The following CRK variants were observed in gnomAD, a reference collection of about 807,000 sequenced individuals.
The protein encoded by CRK is CRK proto-oncogene, adaptor protein.
Under a neutral mutation model 29.8 loss-of-function variants are expected in CRK, and 4 were observed. That is an observed-to-expected ratio of 0.13 (90% CI 0.07 to 0.31). The LOEUF is 0.31. CRK is among the 10% of genes least tolerant of loss of function. CRK has a pLI of 1.00. For synonymous variants in CRK, 153 were observed against 164.9 expected (o/e 0.93, Z 0.55); for missense variants, 274 against 396.5 (o/e 0.69, Z 2.62).
At position 1,448,688 on chromosome 17, in the gene CRK, A is replaced by C. The variant is rs1272539513; in HGVS notation, c.241+7189T>G. 2.0e-5 allele frequency among the ~76,000 whole-genome samples: 3 copies of C among 150,644 alleles called. No individual in the cohort carries two copies. In the Admixed American group the frequency reaches 2.0e-4, roughly 10 times the overall value. On this transcript the variant is annotated intron_variant, in intron 1 of 2. Coordinates refer to ENST00000300574, the MANE Select transcript of CRK (RefSeq NM_016823.4). ...ATAGGTGCTCAATAAAAAGCAACCA[A>C]TTCTCCAAATTCCTTCAGCAATTTT...
chr17:1,429,948 C>T (rs1236836872), intron 2 of CRK, among the ~76,000 whole-genome samples: 1 of 151,318 alleles, frequency 6.6e-6, no homozygotes, highest in African/African-American at 2.4e-5. Context: ...AGAAAAACAA[C>T]CAAAAACACG....
At position 1,455,909 on chromosome 17, in the gene CRK, G is replaced by T; in HGVS notation, c.209C>A (p.Pro70Gln). The T allele has an allele frequency of 1.9e-6, 3 of 1,571,074 alleles. No homozygotes were observed. Among genetic ancestry groups the T allele is most frequent in the Non-Finnish European group, 2.6e-6 (3 of 1,160,424 alleles). Residue 70 changes from proline to glutamine, a missense_variant, in exon 1 of 3, where the codon CCG (proline) becomes CAG (glutamine). By Grantham distance (76) the Pro-to-Gln change is moderately conservative. Coordinates refer to ENST00000300574, the MANE Select transcript of CRK (RefSeq NM_016823.4). ...AGGCTGGGCGGGCGACGGTGGCACC[G>T]GCGGGCGCGGGCCGCTGCTGTTGAT... ...YIINSSGPRP[P>Q]VPPSPAQPPP...
intron 1 of CRK, among the ~76,000 whole-genome samples, chr17:1,440,989 C>T (rs1014987294): frequency 2.6e-5 from 4 of 152,198 alleles, no homozygotes; most frequent in African/African-American, 9.7e-5. Context: ...GTCACCCAGG[C>T]GGGAGTGCAG....
chr17:1,451,464 T>G (rs1366563034), intron 1 of CRK, among the ~76,000 whole-genome samples: 1 of 151,248 alleles, frequency 6.6e-6, no homozygotes. Context: ...ACTCTTGACC[T>G]CAAGTGATCC....
At chr17:1,452,964 C>T (rs1406807496) in intron 1 of CRK, among the ~76,000 whole-genome samples, 2 of 152,040 alleles carry the variant, frequency 1.3e-5, no homozygotes, top group East Asian at 3.9e-4. Context: ...CAACAGTTAA[C>T]CAGGCATGGT....
intron 1 of CRK, among the ~76,000 whole-genome samples, chr17:1,437,957 C>T (rs1212696780): frequency 6.6e-6 from 1 of 151,828 alleles, no homozygotes; most frequent in African/African-American, 2.4e-5. Context: ...TGAGCTACTG[C>T]GCCTGGCCTG....
chr17:1,445,899 T>C (rs916390786), intron 1 of CRK, among the ~76,000 whole-genome samples: 1 of 152,170 alleles, frequency 6.6e-6, no homozygotes, highest in African/African-American at 2.4e-5. Flanking sequence ...GGGACAGTGG[T>C]TGGCAGGTCA....
intron 2 of CRK, among the ~76,000 whole-genome samples, chr17:1,425,763 C>T (rs142688180): frequency 1.4e-3 from 218 of 152,320 alleles, no homozygotes; most frequent in Middle Eastern, 0.01. Context: ...CCTATTGGCC[C>T]CTCTGTTGTT....
At chr17:1,431,651 A>C (rs2073846313) in intron 2 of CRK, among the ~76,000 whole-genome samples, 1 of 152,100 alleles carries the variant, frequency 6.6e-6, no homozygotes, top group Non-Finnish European at 1.5e-5. Flanking sequence ...GCAGTAGCGC[A>C]ATCATAGCTC....
At chr17:1,447,607 CTTTT>C (rs34998406) in intron 1 of CRK, among the ~76,000 whole-genome samples, 7 of 117,840 alleles carry the variant, frequency 5.9e-5, no homozygotes, top group African/African-American at 2.1e-4. Flanking sequence ...TTCTCTTTTC[CTTTT>C]TTTTTTTTTT....
rs185257234 is a variant in CRK at position 1,444,626 on chromosome 17, C to G, written c.242-7471G>C. ...GGGGGATCACCTGAGATCGGGAGTT[C>G]GAGAGCAGCCTGACCAACATGGAGA... is the stretch of plus-strand genomic sequence containing the variant. On this transcript the variant is annotated intron_variant, in intron 1 of 2. Transcript: ENST00000300574. 3.4e-3 allele frequency among the ~76,000 whole-genome samples: 477 copies of G among 141,158 alleles called. 5 individuals carry two copies. The highest frequency in any genetic ancestry group is 5.5e-3 in the Non-Finnish European group (361 of 65,524). The allele number at this position is 141,158 out of a possible 152,430, so 92.6% of individuals were successfully genotyped here. A position where few individuals can be genotyped will look rare whatever the true frequency, so the allele number is the denominator to read the frequency against.
intron 1 of CRK, among the ~76,000 whole-genome samples, chr17:1,455,644 C>G (rs2074050419): frequency 6.6e-6 from 1 of 151,786 alleles, no homozygotes; most frequent in African/African-American, 2.4e-5. Flanking sequence ...AGTTCCCCTT[C>G]CCCGCGGCTG....
intron 1 of CRK, among the ~76,000 whole-genome samples, chr17:1,448,512 G>A (rs577895769): frequency 6.6e-5 from 10 of 150,984 alleles, no homozygotes; most frequent in Admixed American, 6.0e-4. Flanking sequence ...AGTCCCAGCT[G>A]CTGGGGAGGC....
At chr17:1,431,597 G>C (rs879704492) in intron 2 of CRK, among the ~76,000 whole-genome samples, 1 of 151,754 alleles carries the variant, frequency 6.6e-6, no homozygotes, top group Non-Finnish European at 1.5e-5. Context: ...TGGTGTACTA[G>C]TTTTTTTTGA....
At chr17:1,432,158 G>A (rs2073849608) in intron 2 of CRK, among the ~76,000 whole-genome samples, 1 of 152,106 alleles carries the variant, frequency 6.6e-6, no homozygotes, top group African/African-American at 2.4e-5. Context: ...AGCTCTGTGG[G>A]ATGGGATTTG....
At chr17:1,440,962 C>CA (rs747693014) in intron 1 of CRK, among the ~76,000 whole-genome samples, 3 of 152,182 alleles carry the variant, frequency 2.0e-5, no homozygotes, top group African/African-American at 4.8e-5. Context: ...TGTCTTGTGA[C>CA]AGAGTGGTCT....
chr17:1,439,601 C>T (rs2073918537), intron 1 of CRK, among the ~76,000 whole-genome samples: 1 of 152,162 alleles, frequency 6.6e-6, no homozygotes, highest in Admixed American at 6.6e-5. Context: ...CTAACCCCAG[C>T]ACTTAGGGAA....
chr17:1,440,879 G>T (rs2073929948), intron 1 of CRK, among the ~76,000 whole-genome samples: 1 of 152,172 alleles, frequency 6.6e-6, no homozygotes, highest in African/African-American at 2.4e-5. Context: ...ATTCCAGCCT[G>T]GGCAAAAGAG....
chr17:1,427,426 T>C (rs1374836748), intron 2 of CRK, among the ~76,000 whole-genome samples: 4 of 151,566 alleles, frequency 2.6e-5, no homozygotes, highest in African/African-American at 9.7e-5. Flanking sequence ...ACCCCGTCTC[T>C]ACTAAAAATA....
Sources: gnomAD v4.1 joint callset for allele counts (sites outside exome capture counted in the v4.1 genomes callset) on GRCh38, gnomAD v4.1.1 for gene constraint, MANE v1.5 for transcripts, NCBI Gene and HGNC (gene_info 2026-07-23, HGNC 2026-07-21) for gene names.